Variants in GOLPH3 observed in about 807,000 individuals in gnomAD.
GOLPH3 encodes the protein coat protein GPP34.
In GOLPH3, 14 loss-of-function variants were observed where a neutral mutation model predicts 28.5. The observed-to-expected ratio is 0.49, with a 90% CI of 0.32 to 0.77. The LOEUF is 0.77. Ranked by LOEUF, GOLPH3 falls within the 30% of genes least tolerant of loss-of-function variation. The probability of loss-of-function intolerance (pLI) is 0.03; values close to 1 mark genes in which losing one functional copy is unlikely to be tolerated. For missense variants in GOLPH3, 350 were observed against 393.7 expected (o/e 0.89, Z 0.94); for synonymous variants, 158 against 159.2 (o/e 0.99, Z 0.06).
intron 3 of GOLPH3, among the ~76,000 whole-genome samples, chr5:32,134,536 A>C (rs1394129745): frequency 5.9e-5 from 9 of 151,828 alleles, no homozygotes; most frequent in Non-Finnish European, 1.3e-4. Flanking sequence ...AAAAAAAAAA[A>C]AACTCAGCGA....
Position 32,126,010 on chromosome 5 carries a change from T to G in GOLPH3, c.*202A>C, listed in dbSNP as rs1745669563. The G allele has an allele frequency of 1.9e-6, 1 of 518,998 alleles. No homozygotes were observed. Among genetic ancestry groups the G allele is most frequent in the African/African-American group, 2.0e-5 (1 of 51,048 alleles). 32.1% of individuals were successfully genotyped at this position (518,998 alleles called of 1,614,324 possible). ...TGGAATGCCAATATGGCAGTAAAAC[T>G]TTTTTTAAAAACAGAAAGAGGAAGG... On this transcript the variant is annotated 3_prime_UTR_variant, in exon 4 of 4. Coordinates refer to ENST00000265070, the MANE Select transcript of GOLPH3 (RefSeq NM_022130.4).
intron 2 of GOLPH3, among the ~76,000 whole-genome samples, chr5:32,136,559 C>T (rs1189207086): frequency 6.6e-6 from 1 of 151,834 alleles, no homozygotes. Flanking sequence ...TGACTCATCA[C>T]CGAACCTTGG....
chr5:32,139,108 T>A (rs760366977), intron 2 of GOLPH3, among the ~76,000 whole-genome samples: 6 of 152,226 alleles, frequency 3.9e-5, no homozygotes, highest in Non-Finnish European at 7.3e-5. Flanking sequence ...TAAATCTTTC[T>A]GAAATGTTTC....
intron 1 of GOLPH3, among the ~76,000 whole-genome samples, chr5:32,146,123 C>G (rs1324860676): frequency 1.3e-5 from 2 of 151,946 alleles, no homozygotes; most frequent in Non-Finnish European, 2.9e-5. Flanking sequence ...AACCCCATCT[C>G]TACAAAAAAT....
At position 32,174,126 on chromosome 5, in the gene GOLPH3, C is replaced by T; in HGVS notation, c.-92G>A. 1 of 916,354 alleles carries T rather than the reference C, an allele frequency of 1.1e-6. No homozygotes were observed. The highest frequency in any genetic ancestry group is 1.4e-6 in the Non-Finnish European group (1 of 701,662). The allele number at this position is 916,354 out of a possible 1,614,324, so 56.8% of individuals were successfully genotyped here. ...CCCGCGCGGCCTCCGATCCGGGTTT[C>T]CGTGTTAAATCCGGACGCCGGGGCG... On this transcript the variant is annotated 5_prime_UTR_variant, in exon 1 of 4. Coordinates refer to ENST00000265070, the MANE Select transcript of GOLPH3 (RefSeq NM_022130.4).
At chr5:32,153,178 A>T (rs1746349066) in intron 1 of GOLPH3, among the ~76,000 whole-genome samples, 1 of 152,206 alleles carries the variant, frequency 6.6e-6, no homozygotes, top group Admixed American at 6.5e-5. Flanking sequence ...GATAGAGAAC[A>T]ATCTTTAGAA....
At chr5:32,131,194 T>A (rs1324088208) in intron 3 of GOLPH3, among the ~76,000 whole-genome samples, 1 of 152,150 alleles carries the variant, frequency 6.6e-6, no homozygotes, top group Non-Finnish European at 1.5e-5. Flanking sequence ...TAAAGAAATC[T>A]CACGAGCAGA....
At chr5:32,164,094 C>A (rs1746653435) in intron 1 of GOLPH3, among the ~76,000 whole-genome samples, 1 of 152,144 alleles carries the variant, frequency 6.6e-6, no homozygotes, top group South Asian at 2.1e-4. Context: ...TCATAAGTTC[C>A]TACACGCAGT....
chr5:32,137,301 TAAAG>T (rs1388007198), intron 2 of GOLPH3, among the ~76,000 whole-genome samples: 1 of 152,008 alleles, frequency 6.6e-6, no homozygotes, highest in Non-Finnish European at 1.5e-5. Context: ...GCAGAAAGCT[TAAAG>T]AAATTATCAA....
chr5:32,156,125 A>G (rs1278242670), intron 1 of GOLPH3, among the ~76,000 whole-genome samples: 1 of 151,990 alleles, frequency 6.6e-6, no homozygotes, highest in Admixed American at 6.6e-5. Context: ...TGAGGATGCA[A>G]TGAGAAGACA....
At chr5:32,171,946 C>T (rs547086347) in intron 1 of GOLPH3, among the ~76,000 whole-genome samples, 2 of 148,730 alleles carry the variant, frequency 1.3e-5, no homozygotes, top group South Asian at 4.2e-4. Context: ...GAGATTCCGT[C>T]TAAAAAAAGA....
chr5:32,153,046 G>A (rs1746343978), intron 1 of GOLPH3, among the ~76,000 whole-genome samples: 1 of 152,178 alleles, frequency 6.6e-6, no homozygotes, highest in Non-Finnish European at 1.5e-5. Flanking sequence ...GATATTATCT[G>A]TAGGAGCAAA....
rs191947150 is a variant in GOLPH3 at position 32,160,850 on chromosome 5, G to A, written c.225+12960C>T. Among the ~76,000 whole-genome samples the A allele has an allele frequency of 3.8e-3, 573 of 151,724 alleles. 21 individuals carry two copies. In the East Asian group the frequency reaches 0.093, roughly 25 times the overall value. On this transcript the variant is annotated intron_variant, in intron 1 of 3. Coordinates refer to ENST00000265070, the MANE Select transcript of GOLPH3 (RefSeq NM_022130.4). ...TGGGAGGCCAAGGCGGGCGGACCAC[G>A]AGGTCAGGAGATCGAGACCATCCTG... is the stretch of plus-strand genomic sequence containing the variant.
intron 1 of GOLPH3, among the ~76,000 whole-genome samples, chr5:32,151,948 C>A (rs1480952963): frequency 6.6e-6 from 1 of 152,070 alleles, no homozygotes; most frequent in African/African-American, 2.4e-5. Context: ...TTCCCAGGGA[C>A]TGTGGAGAGA....
chr5:32,172,436 C>T (rs1245449061), intron 1 of GOLPH3, among the ~76,000 whole-genome samples: 15 of 151,290 alleles, frequency 9.9e-5, no homozygotes, highest in Non-Finnish European at 1.5e-5. Context: ...GTGGCTCAAG[C>T]TTGTAATTTC....
intron 1 of GOLPH3, among the ~76,000 whole-genome samples, chr5:32,160,170 G>A (rs1746542064): frequency 6.6e-6 from 1 of 152,146 alleles, no homozygotes; most frequent in Non-Finnish European, 1.5e-5. Context: ...CTGCACTCTA[G>A]CCTGGGTGAC....
At chr5:32,166,804 T>A (rs1236744592) in intron 1 of GOLPH3, among the ~76,000 whole-genome samples, 3 of 147,110 alleles carry the variant, frequency 2.0e-5, no homozygotes, top group South Asian at 4.3e-4. Flanking sequence ...CAAGACTCCA[T>A]CTTAAAAAAA....
chr5:32,142,201 G>T (rs894485251), intron 2 of GOLPH3, among the ~76,000 whole-genome samples: 1 of 151,308 alleles, frequency 6.6e-6, no homozygotes, highest in Non-Finnish European at 1.5e-5. Flanking sequence ...GAAGTGAGGA[G>T]CGTCTCTGCC....
chr5:32,142,395 C>G (rs552089214), intron 2 of GOLPH3, among the ~76,000 whole-genome samples: 4 of 149,466 alleles, frequency 2.7e-5, no homozygotes, highest in African/African-American at 7.5e-5. Context: ...AAGTGAGGAG[C>G]CCCTCCGCCC....
Sources: allele counts gnomAD v4.1 joint callset (sites outside exome capture counted in the v4.1 genomes callset), GRCh38; gene constraint gnomAD v4.1.1; transcripts MANE v1.5; gene names NCBI Gene and HGNC (gene_info 2026-07-23, HGNC 2026-07-21).